Variants in PDE1C observed in about 807,000 individuals in gnomAD.
PDE1C encodes dual specificity calcium/calmodulin-dependent 3',5'-cyclic nucleotide phosphodiesterase 1C.
PDE1C carries 62 observed loss-of-function variants against 93.1 expected under a neutral mutation model. The ratio of observed to expected loss-of-function variants is 0.67; its 90% CI spans 0.54 to 0.82. The LOEUF (loss-of-function observed/expected upper bound fraction) is 0.82, where lower values mean the gene tolerates loss of function less well. Among genes scored for constraint, PDE1C ranks in the 40% least tolerant of loss-of-function variants. The pLI is 0.00. For synonymous variants in PDE1C, 325 were observed against 310.1 expected, an observed-to-expected ratio of 1.05 and a Z score of -0.50; for missense variants, 742 against 884.6, an observed-to-expected ratio of 0.84 and a Z score of 2.04.
At chr7:31,826,340 T>C (rs762813484) in intron 12 of PDE1C, among the ~76,000 whole-genome samples, 4 of 152,302 alleles carry the variant, frequency 2.6e-5, no homozygotes, top group Non-Finnish European at 2.9e-5. Context: ...CAAATACCAA[T>C]AGTATCGTGA....
At chr7:31,994,956 A>G (rs1784547947) in intron 2 of PDE1C, among the ~76,000 whole-genome samples, 1 of 152,176 alleles carries the variant, frequency 6.6e-6, no homozygotes, top group African/African-American at 2.4e-5. Context: ...AAGCCTTTCT[A>G]CAACAACTTG....
At chr7:31,717,387 C>T in the PDE1C span, among the ~76,000 whole-genome samples, 32 of 152,254 alleles carry the variant, frequency 2.1e-4, no homozygotes, top group East Asian at 4.4e-3. Flanking sequence ...ATTTAACAGT[C>T]CCAAAATACC....
intron 1 of PDE1C, among the ~76,000 whole-genome samples, chr7:32,334,774 T>A (rs930284503): frequency 2.0e-5 from 3 of 152,306 alleles, no homozygotes; most frequent in Non-Finnish European, 2.9e-5. Flanking sequence ...AGTTTATGCA[T>A]GTTTGCACAT....
the PDE1C span, among the ~76,000 whole-genome samples, chr7:31,671,670 C>G: frequency 2.0e-5 from 3 of 152,122 alleles, no homozygotes; most frequent in African/African-American, 7.2e-5. Context: ...GTCTCAGGCC[C>G]TCTCCACCTA....
the PDE1C span, chr7:31,652,024 C>G: frequency 6.2e-7 from 1 of 1,601,990 alleles, no homozygotes; most frequent in South Asian, 1.1e-5. Context: ...AGACCGGGCT[C>G]AGCAAATCAG....
intron 2 of PDE1C, among the ~76,000 whole-genome samples, chr7:31,936,259 C>T (rs1369701866): frequency 6.6e-6 from 1 of 152,062 alleles, no homozygotes; most frequent in Admixed American, 6.6e-5. Context: ...TTGGGATAGA[C>T]AGTAACATGT....
intron 2 of PDE1C, among the ~76,000 whole-genome samples, chr7:32,198,271 C>T (rs1259069514): frequency 6.6e-6 from 1 of 152,148 alleles, no homozygotes; most frequent in Non-Finnish European, 1.5e-5. Flanking sequence ...CATCTCTATA[C>T]AAATATTATT....
intron 1 of PDE1C, among the ~76,000 whole-genome samples, chr7:32,289,533 C>T (rs567119152): frequency 1.3e-5 from 2 of 151,996 alleles, no homozygotes; most frequent in Non-Finnish European, 2.9e-5. Flanking sequence ...ATATACACTA[C>T]AAAAATTTTA....
chr7:31,805,100 G>A (rs1329182710), intron 16 of PDE1C, among the ~76,000 whole-genome samples: 3 of 151,690 alleles, frequency 2.0e-5, no homozygotes, highest in Admixed American at 6.6e-5. Context: ...TTTCTTGTCT[G>A]CCACCACGTA....
intron 3 of PDE1C, among the ~76,000 whole-genome samples, chr7:32,118,414 C>T (rs1799107571): frequency 1.3e-5 from 2 of 152,096 alleles, no homozygotes; most frequent in South Asian, 4.1e-4. Context: ...GAATTCTTCC[C>T]CTAACCGTAG....
chr7:31,913,008 A>G (rs952861074), intron 2 of PDE1C, among the ~76,000 whole-genome samples: 62 of 152,294 alleles, frequency 4.1e-4, no homozygotes, highest in African/African-American at 1.3e-3. Context: ...GTAATATTTC[A>G]TATTTTAACC....
At chr7:31,814,281 T>A (rs1244207204) in intron 15 of PDE1C, among the ~76,000 whole-genome samples, 1 of 152,026 alleles carries the variant, frequency 6.6e-6, no homozygotes, top group Middle Eastern at 3.2e-3. Flanking sequence ...GTAGTTTGGG[T>A]ACATGAAAAA....
intron 2 of PDE1C, among the ~76,000 whole-genome samples, chr7:32,013,622 T>A (rs921154686): frequency 2.6e-5 from 4 of 151,284 alleles, no homozygotes; most frequent in African/African-American, 9.7e-5. Flanking sequence ...CTGAGAAAGG[T>A]AAAAACATCT....
intron 17 of PDE1C, among the ~76,000 whole-genome samples, chr7:31,769,747 G>A (rs938333439): frequency 6.6e-6 from 1 of 152,010 alleles, no homozygotes; most frequent in Admixed American, 6.6e-5. Flanking sequence ...TCATATCCAT[G>A]AGAAGTCACT....
At chr7:31,708,490 C>T in the PDE1C span, 1 of 152,140 alleles carries the variant, frequency 6.6e-6, no homozygotes, top group Non-Finnish European at 1.5e-5. Context: ...CTAAGAATAC[C>T]CAGTTTACTC....
chr7:32,425,047 C>T (rs1486650429), intron 1 of PDE1C, among the ~76,000 whole-genome samples: 1 of 152,046 alleles, frequency 6.6e-6, no homozygotes, highest in Non-Finnish European at 1.5e-5. Flanking sequence ...ATCCATCCCA[C>T]AATCTCATAA....
the PDE1C span, among the ~76,000 whole-genome samples, chr7:31,645,015 G>A: frequency 2.2e-4 from 34 of 152,044 alleles, no homozygotes; most frequent in African/African-American, 7.2e-4. Flanking sequence ...ATAAATATTT[G>A]TTGGGCTCCT....
intron 1 of PDE1C, among the ~76,000 whole-genome samples, chr7:32,367,033 A>C (rs1276067870): frequency 1.3e-5 from 2 of 152,168 alleles, no homozygotes; most frequent in Non-Finnish European, 2.9e-5. Flanking sequence ...CATCAAAAAA[A>C]AAGAAAAGAA....
chr7:31,869,053 G>A (rs770741696), intron 6 of PDE1C, among the ~76,000 whole-genome samples: 9 of 151,916 alleles, frequency 5.9e-5, no homozygotes, highest in African/African-American at 9.7e-5. Context: ...GGAGTCTTAC[G>A]CCTGGAAACA....
Sources: allele counts gnomAD v4.1 joint callset (sites outside exome capture counted in the v4.1 genomes callset), GRCh38; gene constraint gnomAD v4.1.1; transcripts MANE v1.5; gene names NCBI Gene and HGNC (gene_info 2026-07-23, HGNC 2026-07-21).